GPR158: variants seen among roughly 807,000 people sequenced by gnomAD.
The protein encoded by GPR158 is metabotropic glycine receptor.
Under a neutral mutation model 78.2 loss-of-function variants are expected in GPR158, and 30 were observed. The ratio of observed to expected loss-of-function variants is 0.38; its 90% CI spans 0.29 to 0.52. The LOEUF (loss-of-function observed/expected upper bound fraction) is 0.52, where lower values mean the gene tolerates loss of function less well. Among genes scored for constraint, GPR158 ranks in the 20% least tolerant of loss-of-function variants. The pLI is 0.83. For missense variants in GPR158, 1,463 were observed against 1,523.5 expected (o/e 0.96, Z 0.66); for synonymous variants, 581 against 591.1 (o/e 0.98, Z 0.25).
intron 2 of GPR158, among the ~76,000 whole-genome samples, chr10:25,386,724 A>T (rs1386691256): frequency 6.6e-6 from 1 of 151,998 alleles, no homozygotes; most frequent in African/African-American, 2.4e-5. Flanking sequence ...TCTTTTTGAT[A>T]TTATTGTAAA....
intron 5 of GPR158, among the ~76,000 whole-genome samples, chr10:25,532,232 A>G (rs10508699): frequency 0.53 from 79,985 of 151,948 alleles, 21,805 homozygotes; most frequent in African/African-American, 0.68. Flanking sequence ...TTTGTTTTTC[A>G]CCAGAGAATG....
chr10:25,324,948 C>A (rs912270776), intron 2 of GPR158, among the ~76,000 whole-genome samples: 2 of 150,858 alleles, frequency 1.3e-5, no homozygotes, highest in African/African-American at 4.9e-5. Context: ...AAGCAATCCT[C>A]CTGCCTCAAC....
intron 2 of GPR158, among the ~76,000 whole-genome samples, chr10:25,348,545 AG>A (rs1423659882): frequency 2.0e-5 from 3 of 151,960 alleles, no homozygotes; most frequent in African/African-American, 7.2e-5. Context: ...TGGTGTCAAA[AG>A]TTAACAGGAT....
At chr10:25,346,130 G>T (rs1019783394) in intron 2 of GPR158, among the ~76,000 whole-genome samples, 15 of 151,978 alleles carry the variant, frequency 9.9e-5, no homozygotes, top group South Asian at 8.3e-4. Flanking sequence ...CATATATAAT[G>T]AGAATTTCCT....
At chr10:25,363,742 T>G (rs1387855218) in intron 2 of GPR158, among the ~76,000 whole-genome samples, 1 of 151,970 alleles carries the variant, frequency 6.6e-6, no homozygotes, top group African/African-American at 2.4e-5. Flanking sequence ...TTCTTAATGC[T>G]GTCCCTGATC....
chr10:25,423,548 ATGACAGGCCCCAG>A lies in GPR158; in HGVS notation c.1335+11078_1335+11090del, dbSNP rs531420435. Among the ~76,000 whole-genome samples, 1,011 of 152,072 alleles carry A rather than the reference ATGACAGGCCCCAG, an allele frequency of 6.6e-3. 6 individuals carry two copies. Among genetic ancestry groups the A allele is most frequent in the Non-Finnish European group, 9.9e-3 (676 of 67,980 alleles). On this transcript the variant is annotated intron_variant, in intron 4 of 10. Coordinates refer to ENST00000376351, the MANE Select transcript of GPR158 (RefSeq NM_020752.3). ...CTATCCGTCCCCCATGCCCCAACCTATGACAGGCCCCAGTGTGTGATGTTTGCTGCCCTGTGTC... is the reference window on the plus strand; with the variant it reads ...CTATCCGTCCCCCATGCCCCAACCTATGTGTGATGTTTGCTGCCCTGTGTC...
Position 25,581,174 on chromosome 10 carries a change from C to T in GPR158, c.1754-7833C>T, listed in dbSNP as rs547913897. Among the ~76,000 whole-genome samples the T allele has an allele frequency of 5.9e-5, 9 of 151,616 alleles. No homozygotes were observed. In the South Asian group the frequency reaches 8.3e-4, roughly 14 times the overall value. ...CAATCTCCTGACCTCATGATCCACC[C>T]GCCTCGGCCTCCCAAAGTGCTGGGA... is the stretch of plus-strand genomic sequence containing the variant. On this transcript the variant is annotated intron_variant, in intron 7 of 10. Coordinates refer to ENST00000376351, the MANE Select transcript of GPR158 (RefSeq NM_020752.3).
At chr10:25,592,138 T>G (rs1374865856) in intron 8 of GPR158, among the ~76,000 whole-genome samples, 2 of 152,064 alleles carry the variant, frequency 1.3e-5, no homozygotes, top group African/African-American at 4.8e-5. Context: ...TCTCTATCAA[T>G]ATAGCATGTG....
intron 3 of GPR158, among the ~76,000 whole-genome samples, chr10:25,409,445 C>T (rs1435617591): frequency 2.0e-5 from 3 of 152,088 alleles, no homozygotes; most frequent in East Asian, 1.9e-4. Flanking sequence ...TCAAAAAAGG[C>T]CTTCTTCACT....
chr10:25,498,972 G>A (rs1328420069), intron 5 of GPR158, among the ~76,000 whole-genome samples: 1 of 152,088 alleles, frequency 6.6e-6, no homozygotes, highest in Non-Finnish European at 1.5e-5. Context: ...CGTGGCCTAA[G>A]GATGCCTTCA....
chr10:25,193,549 C>A (rs1419837134), intron 1 of GPR158, among the ~76,000 whole-genome samples: 1 of 152,138 alleles, frequency 6.6e-6, no homozygotes, highest in Non-Finnish European at 1.5e-5. Flanking sequence ...GAGAGGAAGG[C>A]GTGCAGAAGG....
chr10:25,560,530 G>T, intron 6 of GPR158, among the ~76,000 whole-genome samples: 1 of 152,188 alleles, frequency 6.6e-6, no homozygotes, highest in African/African-American at 2.4e-5. Context: ...CTCCCAAAGT[G>T]CTGGGATTAC....
At chr10:25,524,446 G>A (rs1016307770) in intron 5 of GPR158, among the ~76,000 whole-genome samples, 1 of 152,202 alleles carries the variant, frequency 6.6e-6, no homozygotes, top group African/African-American at 2.4e-5. Flanking sequence ...AGACAGACAT[G>A]AAGATCAATG....
chr10:25,535,425 C>T (rs1836486571), intron 5 of GPR158, among the ~76,000 whole-genome samples: 1 of 152,224 alleles, frequency 6.6e-6, no homozygotes, highest in Non-Finnish European at 1.5e-5. Context: ...AACCCACAGC[C>T]AGCAAGGACA....
At chr10:25,406,360 C>A (rs1355794951) in intron 3 of GPR158, among the ~76,000 whole-genome samples, 1 of 152,118 alleles carries the variant, frequency 6.6e-6, no homozygotes, top group Non-Finnish European at 1.5e-5. Flanking sequence ...GATTGATCCC[C>A]CATTTGCCCA....
chr10:25,404,484 C>T (rs1184870522), intron 3 of GPR158, among the ~76,000 whole-genome samples: 2 of 152,014 alleles, frequency 1.3e-5, no homozygotes, highest in African/African-American at 2.4e-5. Flanking sequence ...ATTTATTTCC[C>T]ATAGAATCGT....
chr10:25,575,452 G>A (rs12359026), intron 7 of GPR158, among the ~76,000 whole-genome samples: 6 of 151,832 alleles, frequency 4.0e-5, no homozygotes, highest in African/African-American at 7.3e-5. Flanking sequence ...CCGCAGCAGC[G>A]GCATCACCTG....
In GPR158 at chr10:25,598,500, C is replaced by A. The variant is rs140079238; in HGVS notation, c.2874C>A (p.Pro958=). The change falls in exon 11 of 11, where the codon CCC becomes CCA. Residue 958 remains proline, a synonymous_variant. Coordinates refer to ENST00000376351, the MANE Select transcript of GPR158 (RefSeq NM_020752.3). ...ACACAGAGACTAAAGATCCTGCCCC[C>A]CAAAACTCAAATCCTGCGGAGGAGC... The part of the protein sequence containing the change: ...SDNTETKDPA[P]QNSNPAEEPR... The A allele has an allele frequency of 3.0e-5, 49 of 1,613,932 alleles. No homozygotes were observed. The highest frequency in any genetic ancestry group is 3.6e-5 in the Non-Finnish European group (42 of 1,180,026).
At chr10:25,241,212 CTTTCTTTCCTT>C (rs1355136446) in intron 2 of GPR158, among the ~76,000 whole-genome samples, 2 of 92,796 alleles carry the variant, frequency 2.2e-5, no homozygotes, top group African/African-American at 1.0e-4. Flanking sequence ...CCTTTCTTTC[CTTTCTTTCCTT>C]TTTCTTTCCT....
Sources: gnomAD v4.1 joint callset for allele counts (sites outside exome capture counted in the v4.1 genomes callset) on GRCh38, gnomAD v4.1.1 for gene constraint, MANE v1.5 for transcripts, NCBI Gene and HGNC (gene_info 2026-07-23, HGNC 2026-07-21) for gene names.